Variants in SUGCT observed in about 807,000 individuals in gnomAD.
The protein encoded by SUGCT is succinyl-CoA:glutarate-CoA transferase, also known as succinyl-CoA:glutarate CoA-transferase.
SUGCT carries 41 observed loss-of-function variants against 55.0 expected under a neutral mutation model. The observed-to-expected ratio is 0.74, with a 90% CI of 0.58 to 0.97. The LOEUF is 0.97. Among genes scored for constraint, SUGCT ranks in the 50% least tolerant of loss-of-function variants. The pLI is 0.00. For missense variants in SUGCT, 568 were observed against 547.8 expected (o/e 1.04, Z -0.37); for synonymous variants, 187 against 200.4 (o/e 0.93, Z 0.56).
intron 12 of SUGCT, among the ~76,000 whole-genome samples, chr7:40,535,866 A>C (rs1212055325): frequency 6.6e-6 from 1 of 152,102 alleles, no homozygotes; most frequent in Non-Finnish European, 1.5e-5. Context: ...GCAGTTGACT[A>C]GTGTGAGATG....
intron 9 of SUGCT, among the ~76,000 whole-genome samples, chr7:40,370,447 C>A (rs1487055026): frequency 6.6e-6 from 1 of 152,094 alleles, no homozygotes; most frequent in Non-Finnish European, 1.5e-5. Context: ...CTGATCCCCC[C>A]ATATGAAGTT....
chr7:40,960,695 C>A, the SUGCT span, among the ~76,000 whole-genome samples: 1 of 152,062 alleles, frequency 6.6e-6, no homozygotes, highest in African/African-American at 2.4e-5. Flanking sequence ...TGTTGTTTTT[C>A]CAAAGTTTCT....
chr7:40,350,480 AT>A (rs1180685887), intron 9 of SUGCT, among the ~76,000 whole-genome samples: 3,719 of 145,172 alleles, frequency 0.026, 53 homozygotes, highest in Middle Eastern at 0.043. Context: ...CACCTGGCTA[AT>A]TTTTTTTTTT....
chr7:40,149,846 G>C (rs560061196), intron 1 of SUGCT, among the ~76,000 whole-genome samples: 16 of 152,326 alleles, frequency 1.1e-4, no homozygotes, highest in Admixed American at 3.3e-4. Flanking sequence ...TTGAACTTGG[G>C]AGTCGGAGGT....
At chr7:40,754,896 C>T (rs938227397) in intron 13 of SUGCT, among the ~76,000 whole-genome samples, 1 of 152,120 alleles carries the variant, frequency 6.6e-6, no homozygotes, top group Non-Finnish European at 1.5e-5. Flanking sequence ...AAAATTTGAA[C>T]AAATAGCTTT....
intron 7 of SUGCT, among the ~76,000 whole-genome samples, chr7:40,244,690 A>G (rs182753559): frequency 3.3e-5 from 5 of 152,346 alleles, no homozygotes; most frequent in Non-Finnish European, 5.9e-5. Context: ...TTGCTCTTAC[A>G]TTGCTGTCAA....
intron 6 of SUGCT, among the ~76,000 whole-genome samples, chr7:40,225,181 G>T (rs1313527086): frequency 6.6e-6 from 1 of 152,180 alleles, no homozygotes; most frequent in African/African-American, 2.4e-5. Flanking sequence ...ACAGATACCA[G>T]TGTAAACATT....
At chr7:40,862,164 C>T (rs1278842210), downstream of SUGCT, among the ~76,000 whole-genome samples, 2 of 152,148 alleles carry the variant, frequency 1.3e-5, no homozygotes, top group East Asian at 3.9e-4. Flanking sequence ...TGATATTGAT[C>T]ATGCAAAGAG....
At chr7:40,641,134 TG>T (rs1240731349) in intron 12 of SUGCT, among the ~76,000 whole-genome samples, 1 of 152,242 alleles carries the variant, frequency 6.6e-6, no homozygotes, top group Admixed American at 6.5e-5. Flanking sequence ...AAATGATTTA[TG>T]GGAAGCTGAG....
At chr7:40,687,936 G>A (rs1209693822) in intron 12 of SUGCT, among the ~76,000 whole-genome samples, 1 of 152,074 alleles carries the variant, frequency 6.6e-6, no homozygotes, top group Admixed American at 6.6e-5. Context: ...CATTTCTTTT[G>A]TGTGTATTTG....
At chr7:40,733,748 G>C (rs1225132192) in intron 12 of SUGCT, among the ~76,000 whole-genome samples, 1 of 152,144 alleles carries the variant, frequency 6.6e-6, no homozygotes. Context: ...AAATGATATT[G>C]CTTCCTCATG....
chr7:40,475,121 C>T (rs576279595), intron 11 of SUGCT, among the ~76,000 whole-genome samples: 52 of 152,280 alleles, frequency 3.4e-4, no homozygotes, highest in Non-Finnish European at 7.1e-4. Flanking sequence ...GTTCCTAAAC[C>T]GTATTTCTCC....
intron 1 of SUGCT, among the ~76,000 whole-genome samples, chr7:40,156,397 A>G (rs1017107736): frequency 1.4e-4 from 22 of 152,082 alleles, no homozygotes; most frequent in Non-Finnish European, 5.9e-5. Context: ...CGGGAGGTGG[A>G]GCTTGCAGTG....
intron 12 of SUGCT, among the ~76,000 whole-genome samples, chr7:40,556,417 C>G (rs150405201): frequency 6.6e-6 from 1 of 152,312 alleles, no homozygotes; most frequent in East Asian, 1.9e-4. Flanking sequence ...TGTTTGGATT[C>G]TTCCCCTTCT....
chr7:40,583,003 C>T (rs1404182495), intron 12 of SUGCT, among the ~76,000 whole-genome samples: 2 of 152,008 alleles, frequency 1.3e-5, no homozygotes, highest in Admixed American at 1.3e-4. Flanking sequence ...AAAATTAAAT[C>T]AGCGTAATAG....
At chr7:41,034,534 G>A in the SUGCT span, among the ~76,000 whole-genome samples, 10 of 152,286 alleles carry the variant, frequency 6.6e-5, no homozygotes, top group East Asian at 1.9e-4. Flanking sequence ...CCACAGAAGC[G>A]AGCTGATGAG....
At chr7:40,392,465 G>T (rs1050468808) in intron 9 of SUGCT, among the ~76,000 whole-genome samples, 1 of 151,862 alleles carries the variant, frequency 6.6e-6, no homozygotes, top group Non-Finnish European at 1.5e-5. Flanking sequence ...ATGGGTGGGG[G>T]GAAGAAATGA....
At chr7:40,796,619 A>G (rs1415953247) in intron 13 of SUGCT, among the ~76,000 whole-genome samples, 1 of 152,152 alleles carries the variant, frequency 6.6e-6, no homozygotes, top group Non-Finnish European at 1.5e-5. Flanking sequence ...AGGCTTAGAG[A>G]ACTAAAGTAA....
At chr7:40,716,249 A>T (rs1051108453) in intron 12 of SUGCT, among the ~76,000 whole-genome samples, 1 of 152,148 alleles carries the variant, frequency 6.6e-6, no homozygotes, top group African/African-American at 2.4e-5. Flanking sequence ...TTCCTCCCTG[A>T]TTCCATCAGG....
Sources: gnomAD v4.1 joint callset for allele counts (sites outside exome capture counted in the v4.1 genomes callset) on GRCh38, gnomAD v4.1.1 for gene constraint, MANE v1.5 for transcripts, NCBI Gene and HGNC (gene_info 2026-07-23, HGNC 2026-07-21) for gene names.